Variants in MAP3K2 observed in about 807,000 individuals in gnomAD.
MAP3K2 encodes MAP/ERK kinase kinase 2.
In MAP3K2, 24 loss-of-function variants were observed where a neutral mutation model predicts 80.3. That is an observed-to-expected ratio of 0.30 (90% CI 0.22 to 0.42). The LOEUF is 0.42. Among genes scored for constraint, MAP3K2 ranks in the 10% least tolerant of loss-of-function variants. MAP3K2 has a pLI of 1.00. For missense variants in MAP3K2, 608 were observed against 750.1 expected (o/e 0.81, Z 2.21); for synonymous variants, 244 against 253.7 (o/e 0.96, Z 0.36).
chr2:127,352,573 C>A (rs560801208), intron 1 of MAP3K2, among the ~76,000 whole-genome samples: 1 of 152,156 alleles, frequency 6.6e-6, no homozygotes, highest in Admixed American at 6.5e-5. Flanking sequence ...CTAGACAGAG[C>A]TAAGCTTCAA....
chr2:127,320,016 T>A (rs1685985556), intron 12 of MAP3K2, among the ~76,000 whole-genome samples: 1 of 152,146 alleles, frequency 6.6e-6, no homozygotes, highest in Non-Finnish European at 1.5e-5. Context: ...CTCCTCACAG[T>A]AACGGCCTAG....
intron 1 of MAP3K2, among the ~76,000 whole-genome samples, chr2:127,345,642 G>A (rs1043362106): frequency 6.6e-6 from 1 of 152,096 alleles, no homozygotes; most frequent in African/African-American, 2.4e-5. Context: ...ACAAATCTCA[G>A]TAACTACATG....
intron 1 of MAP3K2, among the ~76,000 whole-genome samples, chr2:127,344,985 C>G (rs1231338825): frequency 6.6e-6 from 1 of 152,050 alleles, no homozygotes; most frequent in South Asian, 2.1e-4. Flanking sequence ...CACCTCAGCA[C>G]CCCCGAGTAG....
chr2:127,313,031 T>C (rs2104809032), intron 15 of MAP3K2, among the ~76,000 whole-genome samples: 1 of 152,162 alleles, frequency 6.6e-6, no homozygotes, highest in East Asian at 1.9e-4. Context: ...CCATCAATCA[T>C]ATGGAAATTT....
At chr2:127,366,517 G>A (rs781296449) in intron 1 of MAP3K2, among the ~76,000 whole-genome samples, 31 of 152,058 alleles carry the variant, frequency 2.0e-4, no homozygotes, top group East Asian at 3.8e-4. Context: ...AAAATATTTC[G>A]TGATGTATAG....
rs148122358 is a variant in MAP3K2, at chr2:127,299,772, C to T, written c.*7807G>A. ...GGCTAAAAACAAAATTTTAAAAATA[C>T]TTTTGATCAGCCAGCTGAAAATATA... On this transcript the variant is annotated 3_prime_UTR_variant, in exon 17 of 17. Coordinates refer to ENST00000682094, the MANE Select transcript of MAP3K2 (RefSeq NM_001371910.2). 4 of 152,116 alleles carry T rather than the reference C, an allele frequency of 2.6e-5. No individual in the cohort carries two copies. The highest frequency in any genetic ancestry group is 1.3e-4 in the Admixed American group (2 of 15,286). 9.4% of individuals were successfully genotyped at this position (152,116 alleles called of 1,614,324 possible).
intron 15 of MAP3K2, among the ~76,000 whole-genome samples, chr2:127,313,036 A>C (rs1685838307): frequency 6.6e-6 from 1 of 152,146 alleles, no homozygotes; most frequent in Admixed American, 6.5e-5. Flanking sequence ...AATCATATGG[A>C]AATTTTCCTT....
chr2:127,362,008 A>C (rs1031419016), intron 1 of MAP3K2, among the ~76,000 whole-genome samples: 5 of 152,214 alleles, frequency 3.3e-5, no homozygotes, highest in African/African-American at 1.2e-4. Flanking sequence ...CTCAGTGTTA[A>C]AGGCAATATT....
intron 2 of MAP3K2, among the ~76,000 whole-genome samples, chr2:127,342,299 C>CT (rs1686507810): frequency 6.6e-6 from 1 of 151,568 alleles, no homozygotes; most frequent in South Asian, 2.1e-4. Context: ...GAGGTGAAGT[C>CT]TAAGCTTACA....
At chr2:127,371,102 G>C (rs1226414931) in intron 1 of MAP3K2, among the ~76,000 whole-genome samples, 1 of 152,202 alleles carries the variant, frequency 6.6e-6, no homozygotes, top group Non-Finnish European at 1.5e-5. Flanking sequence ...AAAGAAAACA[G>C]AGCCGCTAGC....
intron 8 of MAP3K2, 21 bp from the exon 9 acceptor site, chr2:127,325,828 A>G: frequency 1.3e-6 from 2 of 1,564,130 alleles, no homozygotes; most frequent in Non-Finnish European, 1.8e-6. Context: ...AAGGAGTTCC[A>G]CCATGATTCA....
chr2:127,299,070 G>A lies in MAP3K2; in HGVS notation c.*8509C>T. On this transcript the variant is annotated 3_prime_UTR_variant, in exon 17 of 17. Transcript: ENST00000682094. The stretch of plus-strand genomic sequence containing the variant: ...TGACAAACAAAATCAAAATGTGCAT[G>A]AAATGTTGCACGTACCACACTGTAT... The A allele has an allele frequency of 6.6e-6, 1 of 152,146 alleles. No individual in the cohort carries two copies. The highest frequency in any genetic ancestry group is 1.9e-4 in the East Asian group (1 of 5,198). The allele number at this position is 152,146 out of a possible 1,614,324, so 9.4% of individuals were successfully genotyped here. A position where few individuals can be genotyped will look rare whatever the true frequency, so the allele number is the denominator to read the frequency against.
At chr2:127,349,923 G>A (rs1163819127) in intron 1 of MAP3K2, among the ~76,000 whole-genome samples, 1 of 152,080 alleles carries the variant, frequency 6.6e-6, no homozygotes, top group Non-Finnish European at 1.5e-5. Flanking sequence ...CACCCAGGCT[G>A]ATGTGCAGTG....
In MAP3K2 at chr2:127,347,560, A is replaced by C. The variant is rs908641615; in HGVS notation, c.-65-4366T>G. Among the ~76,000 whole-genome samples, 4 of 152,136 alleles carry C rather than the reference A, an allele frequency of 2.6e-5. No individual in the cohort carries two copies. In the South Asian group the frequency reaches 8.3e-4, roughly 31 times the overall value. On this transcript the variant is annotated intron_variant, in intron 1 of 16. Coordinates refer to ENST00000682094, the MANE Select transcript of MAP3K2 (RefSeq NM_001371910.2). ...AAAAAATGCAGCTTGCACTCTAAAA[A>C]CTACAAAACACTGTTGAAAGAAATT...
intron 1 of MAP3K2, among the ~76,000 whole-genome samples, chr2:127,353,536 C>T (rs975630434): frequency 2.0e-5 from 3 of 150,376 alleles, no homozygotes; most frequent in African/African-American, 7.4e-5. Flanking sequence ...GGAGTGTCTC[C>T]GTCCAGCAGC....
At chr2:127,340,423 C>G (rs1686453855) in intron 2 of MAP3K2, among the ~76,000 whole-genome samples, 1 of 152,054 alleles carries the variant, frequency 6.6e-6, no homozygotes, top group Admixed American at 6.6e-5. Flanking sequence ...CTTTGGGAGG[C>G]CGAGGGGGGC....
chr2:127,365,226 A>G (rs1225448882), intron 1 of MAP3K2, among the ~76,000 whole-genome samples: 1 of 151,242 alleles, frequency 6.6e-6, no homozygotes, highest in Non-Finnish European at 1.5e-5. Flanking sequence ...CCTTACAACA[A>G]TCCCATAAGG....
chr2:127,366,230 ACTAAGAACAAGATTAG>A (rs1686968510), intron 1 of MAP3K2, among the ~76,000 whole-genome samples: 2 of 152,126 alleles, frequency 1.3e-5, no homozygotes, highest in Admixed American at 6.6e-5. Flanking sequence ...CAATTTATTA[ACTAAGAACAAGATTAG>A]CTAAAAACAC....
In MAP3K2 at chr2:127,317,695, C is replaced by A; in HGVS notation, c.1260G>T (p.Gln420His). The A allele has an allele frequency of 6.3e-7, 1 of 1,597,592 alleles. No homozygotes were observed. The highest frequency in any genetic ancestry group is 8.5e-7 in the Non-Finnish European group (1 of 1,171,000). Reference sequence around the variant, plus strand: ...GGGGATCCCTCAAACAGCCATAATACTGAACAATTCGCTCATGTAGCAAGT... The same window carrying A: ...GGGGATCCCTCAAACAGCCATAATAATGAACAATTCGCTCATGTAGCAAGT... The part of the protein sequence containing the change: ...LKNLLHERIV[Q>H]YYGCLRDPQE... Residue 420 changes from glutamine (Q) to histidine (H), a missense_variant, in exon 14 of 17, where the codon CAG (glutamine) becomes CAT (histidine). This residue lies in a region of MAP3K2 where 467 missense variants were observed against 521.9 expected (regional missense o/e 0.89). Transcript: ENST00000682094.
Sources: gnomAD v4.1 joint callset for allele counts (sites outside exome capture counted in the v4.1 genomes callset) on GRCh38, gnomAD v4.1.1 for gene constraint, gnomAD v4.1.1 regional missense constraint, MANE v1.5 for transcripts, NCBI Gene and HGNC (gene_info 2026-07-23, HGNC 2026-07-21) for gene names.